Variants in TNRC6B observed in about 807,000 individuals in gnomAD.
The protein encoded by TNRC6B is trinucleotide repeat-containing gene 6B protein.
Under a neutral mutation model 203.6 loss-of-function variants are expected in TNRC6B, and 52 were observed. The observed-to-expected ratio is 0.26, with a 90% CI of 0.20 to 0.32. TNRC6B has a LOEUF of 0.32. Among genes scored for constraint, TNRC6B ranks in the 10% least tolerant of loss-of-function variants. The probability of loss-of-function intolerance (pLI) is 1.00; values close to 1 mark genes in which losing one functional copy is unlikely to be tolerated. For missense variants in TNRC6B, 1,923 were observed against 2,286.2 expected (o/e 0.84, Z 3.24); for synonymous variants, 838 against 845.7 (o/e 0.99, Z 0.16).
At position 40,258,158 on chromosome 22, in the gene TNRC6B, T is replaced by C. The variant is rs1413929888; in HGVS notation, c.116-3674T>C. 4.8e-5 allele frequency among the ~76,000 whole-genome samples: 7 copies of C among 145,212 alleles called. No homozygotes were observed. In the East Asian group the frequency reaches 1.5e-3, roughly 31 times the overall value. ...TGAGATCATGTTTAAGCCACAAACC[T>C]TTCCTCTGGAAGATAAGAAACTATG... On this transcript the variant is annotated intron_variant, in intron 3 of 22. Transcript: ENST00000454349.
rs981508834 is a variant in TNRC6B at position 40,329,525 on chromosome 22, A to C, written c.*6284A>C. 2 of 152,110 alleles carry C rather than the reference A, an allele frequency of 1.3e-5. No homozygotes were observed. The highest frequency in any genetic ancestry group is 4.8e-5 in the African/African-American group (2 of 41,390). 9.4% of individuals were successfully genotyped at this position (152,110 alleles called of 1,614,324 possible). ...AGCTCCAAGAATCTGTGAACATAGT[A>C]ATAACAATAAAAATTCAACATCGAC... On this transcript the variant is annotated 3_prime_UTR_variant, in exon 23 of 23. Coordinates refer to ENST00000454349, the MANE Select transcript of TNRC6B (RefSeq NM_001162501.2).
intron 15 of TNRC6B, among the ~76,000 whole-genome samples, chr22:40,303,046 C>CTTTTTTTTTTTTTTTTTT: frequency 1.1e-5 from 1 of 90,064 alleles, no homozygotes; most frequent in Non-Finnish European, 2.2e-5. Flanking sequence ...TCTTCTTCTT[C>CTTTTTTTTTTTTTTTTTT]TTTTTTTTTT....
At chr22:40,180,295 A>G (rs2069115251) in intron 1 of TNRC6B, among the ~76,000 whole-genome samples, 1 of 152,124 alleles carries the variant, frequency 6.6e-6, no homozygotes, top group Non-Finnish European at 1.5e-5. Flanking sequence ...ACTGAAGAGG[A>G]GATAAAACCT....
Position 40,149,582 on chromosome 22 carries a change from A to G in TNRC6B, c.46-6533A>G, listed in dbSNP as rs149467406. The stretch of plus-strand genomic sequence containing the variant: ...CTACTCAGGAGGCGGAGGCAGGAGA[A>G]TCTCTTGAACCCAGGAGGCGGAGGT... On this transcript the variant is annotated intron_variant, in intron 3 of 23. Transcript: ENST00000301923. Among the ~76,000 whole-genome samples the G allele has an allele frequency of 2.6e-3, 395 of 151,466 alleles. 1 individual carries two copies. Among genetic ancestry groups the G allele is most frequent in the African/African-American group, 9.3e-3 (383 of 41,266 alleles).
At chr22:40,096,202 T>C (rs1306123890) in intron 1 of TNRC6B, among the ~76,000 whole-genome samples, 1 of 152,216 alleles carries the variant, frequency 6.6e-6, no homozygotes, top group African/African-American at 2.4e-5. Context: ...TCCAAATCTT[T>C]AGCCACAGGG....
At chr22:40,123,591 CAGTT>C (rs1180834077) in intron 2 of TNRC6B, among the ~76,000 whole-genome samples, 2 of 152,172 alleles carry the variant, frequency 1.3e-5, no homozygotes, top group African/African-American at 4.8e-5. Flanking sequence ...CTGGGGCACA[CAGTT>C]AGGCGGAGAA....
chr22:40,319,695 A>G (rs1358146036), intron 21 of TNRC6B, among the ~76,000 whole-genome samples: 1 of 152,142 alleles, frequency 6.6e-6, no homozygotes, highest in Non-Finnish European at 1.5e-5. Context: ...AAGTGCTGGG[A>G]TTACAGGCGT....
chr22:40,213,881 A>G (rs143501421), intron 1 of TNRC6B, among the ~76,000 whole-genome samples: 2 of 152,338 alleles, frequency 1.3e-5, no homozygotes, highest in East Asian at 1.9e-4. Context: ...TCGGGTTCAT[A>G]TGACAAATAA....
chr22:40,306,545 A>T (rs913318992), intron 15 of TNRC6B, among the ~76,000 whole-genome samples: 4 of 152,198 alleles, frequency 2.6e-5, no homozygotes, highest in Non-Finnish European at 4.4e-5. Context: ...AGTGTAATTT[A>T]CTCAAGGAGC....
intron 3 of TNRC6B, among the ~76,000 whole-genome samples, chr22:40,151,616 G>C (rs1041356431): frequency 6.7e-6 from 1 of 150,164 alleles, no homozygotes; most frequent in Non-Finnish European, 1.5e-5. Flanking sequence ...AGAAGATATT[G>C]TTATAATGGA....
At chr22:40,251,250 C>A in intron 3 of TNRC6B, 50 bp downstream of exon 3, 1 of 1,410,458 alleles carries the variant, frequency 7.1e-7, no homozygotes, top group Non-Finnish European at 9.6e-7. Context: ...TTGTGTTTAG[C>A]TTTTACACTG....
At chr22:40,262,312 G>A in intron 4 of TNRC6B, 139 bp downstream of exon 4, 1 of 750,176 alleles carries the variant, frequency 1.3e-6, no homozygotes, top group Non-Finnish European at 1.9e-6. Flanking sequence ...GAGGATCCTA[G>A]TATGCGATGT....
At chr22:40,111,158 A>G (rs2068329914) in intron 1 of TNRC6B, among the ~76,000 whole-genome samples, 1 of 152,204 alleles carries the variant, frequency 6.6e-6, no homozygotes. Flanking sequence ...GAAAGTTGGG[A>G]AGAAATTTGT....
chr22:40,160,476 C>CAA (rs10668307), intron 4 of TNRC6B, among the ~76,000 whole-genome samples: 81,477 of 127,542 alleles, frequency 0.64, 25,486 homozygotes, highest in South Asian at 0.74. Flanking sequence ...AACTCCGTCT[C>CAA]AAAAAAAAAA....
chr22:40,113,335 C>A (rs1465123144), intron 1 of TNRC6B, among the ~76,000 whole-genome samples: 1 of 152,156 alleles, frequency 6.6e-6, no homozygotes, highest in Non-Finnish European at 1.5e-5. Flanking sequence ...ATAAAACCAT[C>A]TGTTTCTAGC....
intron 1 of TNRC6B, chr22:40,045,060 G>C (rs1046922704): frequency 1.4e-5 from 2 of 145,920 alleles, no homozygotes; most frequent in Admixed American, 1.4e-4. Flanking sequence ...GGGACGGAGC[G>C]GGGCGGCCGG....
intron 3 of TNRC6B, among the ~76,000 whole-genome samples, chr22:40,132,929 G>A (rs1290484370): frequency 2.2e-5 from 2 of 92,454 alleles, no homozygotes; most frequent in Non-Finnish European, 4.2e-5. Context: ...GGGGGACAGA[G>A]CAAGACTCTG....
In TNRC6B at chr22:40,242,094, A is replaced by G. The variant is rs373138269; in HGVS notation, c.6-3921A>G. The stretch of plus-strand genomic sequence containing the variant: ...TTTTATTTAGTGAAGAATAGAAGCC[A>G]CAAAACTGGGTGCTAAGTGTGTTCA... On this transcript the variant is annotated intron_variant, in intron 1 of 22. Transcript: ENST00000454349. 1.4e-3 allele frequency among the ~76,000 whole-genome samples: 213 copies of G among 152,316 alleles called. 6 individuals are homozygous for G. The South Asian group carries it at 0.025, about 18-fold the overall frequency.
chr22:40,194,843 C>A (rs1045670100), intron 1 of TNRC6B, among the ~76,000 whole-genome samples: 1 of 152,106 alleles, frequency 6.6e-6, no homozygotes, highest in African/African-American at 2.4e-5. Context: ...CACTGTGGTC[C>A]CTAAAAGGAG....
Sources: allele counts gnomAD v4.1 joint callset (sites outside exome capture counted in the v4.1 genomes callset), GRCh38; gene constraint gnomAD v4.1.1; transcripts MANE v1.5; gene names NCBI Gene and HGNC (gene_info 2026-07-23, HGNC 2026-07-21).